The following BNC2 variants were observed in gnomAD, a reference collection of about 807,000 sequenced individuals.
BNC2 encodes the protein basonuclin zinc finger protein 2.
Under a neutral mutation model 76.3 loss-of-function variants are expected in BNC2, and 20 were observed. The observed-to-expected ratio is 0.26, with a 90% CI of 0.18 to 0.38. The LOEUF (loss-of-function observed/expected upper bound fraction) is 0.38. Among genes scored for constraint, BNC2 ranks in the 10% least tolerant of loss-of-function variants. BNC2 has a pLI of 1.00. For synonymous variants in BNC2, 582 were observed against 514.8 expected, an observed-to-expected ratio of 1.13 and a Z score of -1.77; for missense variants, 1,382 against 1,399.8, an observed-to-expected ratio of 0.99 and a Z score of 0.20.
chr9:16,861,945 C>T (rs1819421253), intron 1 of BNC2, among the ~76,000 whole-genome samples: 1 of 151,506 alleles, frequency 6.6e-6, no homozygotes. Context: ...GCCGAGATTG[C>T]ACCACTGGAC....
Position 16,497,963 on chromosome 9 carries a change from GGATA to G in BNC2, c.669+54563_669+54566del, listed in dbSNP as rs561289390. ...CCCAAATGCCCACCGATCAATGAGT[GGATA>G]AAGAAACTGTGGTGTGTGTGTGTGT... is the stretch of plus-strand genomic sequence containing the variant. On this transcript the variant is annotated intron_variant, in intron 5 of 6. Transcript: ENST00000380672. 9.6e-4 allele frequency among the ~76,000 whole-genome samples: 134 copies of G among 139,970 alleles called. 3 individuals carry two copies. The East Asian group carries it at 0.018, about 19-fold the overall frequency. The allele number at this position is 139,970 out of a possible 152,430, so 91.8% of individuals were successfully genotyped here.
At chr9:16,607,326 C>T (rs572218392) in intron 3 of BNC2, among the ~76,000 whole-genome samples, 17 of 151,818 alleles carry the variant, frequency 1.1e-4, no homozygotes, top group African/African-American at 3.6e-4. Flanking sequence ...CAAGGAGAGA[C>T]GGAGAAAATA....
chr9:16,501,979 T>C (rs1822528206), intron 5 of BNC2, among the ~76,000 whole-genome samples: 1 of 152,190 alleles, frequency 6.6e-6, no homozygotes, highest in Non-Finnish European at 1.5e-5. Flanking sequence ...GCATTTCTAA[T>C]TTGTAAGGGC....
intron 1 of BNC2, chr9:16,832,201 T>C (rs940499435): frequency 9.8e-7 from 1 of 1,019,850 alleles, no homozygotes; most frequent in Non-Finnish European, 1.3e-6. Flanking sequence ...TACAAGGTAG[T>C]CTTCAAAGGA....
intron 3 of BNC2, among the ~76,000 whole-genome samples, chr9:16,671,963 C>T (rs1822490243): frequency 6.6e-6 from 1 of 152,214 alleles, no homozygotes; most frequent in African/African-American, 2.4e-5. Flanking sequence ...TCTTATGCCA[C>T]AGTTTCTCTC....
At chr9:16,514,041 T>G (rs921055059) in intron 5 of BNC2, among the ~76,000 whole-genome samples, 1 of 152,250 alleles carries the variant, frequency 6.6e-6, no homozygotes, top group Middle Eastern at 3.2e-3. Flanking sequence ...TACGTGTGGC[T>G]ATCTCCTGCA....
At chr9:16,642,810 A>C (rs1821525361) in intron 3 of BNC2, among the ~76,000 whole-genome samples, 1 of 152,184 alleles carries the variant, frequency 6.6e-6, no homozygotes, top group African/African-American at 2.4e-5. Context: ...AGCAATAATC[A>C]AATCCTTCTA....
chr9:16,580,555 G>A (rs948997117), intron 4 of BNC2, among the ~76,000 whole-genome samples: 4 of 152,022 alleles, frequency 2.6e-5, no homozygotes, highest in African/African-American at 4.8e-5. Context: ...CACTGGCCAG[G>A]AATAATTTAT....
chr9:16,853,760 C>T (rs555979475), intron 1 of BNC2, among the ~76,000 whole-genome samples: 3 of 151,948 alleles, frequency 2.0e-5, no homozygotes, highest in Non-Finnish European at 4.4e-5. Context: ...CCCAGCTACT[C>T]GGGAGGGTGA....
chr9:16,714,888 A>G (rs934730607), intron 3 of BNC2, among the ~76,000 whole-genome samples: 18 of 152,356 alleles, frequency 1.2e-4, no homozygotes, highest in African/African-American at 4.3e-4. Flanking sequence ...TTTCTTTTAA[A>G]GAGACCCTTC....
intron 5 of BNC2, among the ~76,000 whole-genome samples, chr9:16,536,492 C>G (rs899159997): frequency 3.9e-5 from 6 of 152,068 alleles, no homozygotes; most frequent in African/African-American, 1.4e-4. Flanking sequence ...ATTTAAGACT[C>G]ACAAAAACAC....
intron 5 of BNC2, among the ~76,000 whole-genome samples, chr9:16,535,498 G>A (rs950804771): frequency 3.9e-5 from 6 of 151,972 alleles, no homozygotes; most frequent in African/African-American, 1.5e-4. Context: ...CTCATCTAGT[G>A]CATCTAGTCA....
chr9:16,419,942 ACT>A (rs370952807), intron 6 of BNC2, among the ~76,000 whole-genome samples: 23 of 152,078 alleles, frequency 1.5e-4, no homozygotes, highest in African/African-American at 5.3e-4. Flanking sequence ...CTCAATGATT[ACT>A]CTGTTAGTTT....
chr9:16,544,646 C>A (rs901611062), intron 5 of BNC2, among the ~76,000 whole-genome samples: 3 of 151,750 alleles, frequency 2.0e-5, no homozygotes, highest in African/African-American at 7.3e-5. Flanking sequence ...TGGTAAAACC[C>A]CATCTCCACT....
intron 5 of BNC2, among the ~76,000 whole-genome samples, chr9:16,549,920 C>T (rs1471650641): frequency 6.6e-6 from 1 of 151,900 alleles, no homozygotes; most frequent in Non-Finnish European, 1.5e-5. Flanking sequence ...AATCATCTAT[C>T]GTTTTCTCAA....
At chr9:16,811,197 T>G (rs1818040783) in intron 1 of BNC2, among the ~76,000 whole-genome samples, 1 of 129,540 alleles carries the variant, frequency 7.7e-6, no homozygotes, top group Non-Finnish European at 1.6e-5. Context: ...CACTCCAGCC[T>G]GGGCAACAGA....
At chr9:16,685,590 G>C (rs1279248102) in intron 3 of BNC2, 5 of 1,304,292 alleles carry the variant, frequency 3.8e-6, no homozygotes, top group South Asian at 2.5e-5. Context: ...TTGGGCAGAA[G>C]TCTGCCCCCA....
chr9:16,728,474 C>G (rs1037108021), intron 2 of BNC2, among the ~76,000 whole-genome samples: 1 of 152,144 alleles, frequency 6.6e-6, no homozygotes, highest in Non-Finnish European at 1.5e-5. Flanking sequence ...ACAATGCTTT[C>G]TGATATAACA....
chr9:16,515,200 C>T (rs897800287), intron 5 of BNC2, among the ~76,000 whole-genome samples: 1 of 152,188 alleles, frequency 6.6e-6, no homozygotes, highest in Non-Finnish European at 1.5e-5. Flanking sequence ...GAGAGGGAAT[C>T]ATGTCAGCTC....
Sources: allele counts gnomAD v4.1 joint callset (sites outside exome capture counted in the v4.1 genomes callset), GRCh38; gene constraint gnomAD v4.1.1; transcripts MANE v1.5; gene names NCBI Gene and HGNC (gene_info 2026-07-23, HGNC 2026-07-21).